TMEM243: variants seen among roughly 807,000 people sequenced by gnomAD.
The protein encoded by TMEM243 is MDR1 and mitochondrial taxol resistance associated.
In TMEM243, 20 loss-of-function variants were observed where a neutral mutation model predicts 15.0. The ratio of observed to expected loss-of-function variants is 1.33; its 90% confidence interval spans 0.94 to 1.93. The LOEUF (loss-of-function observed/expected upper bound fraction) is 1.93. TMEM243 is among the 30% of genes most tolerant of loss of function. The pLI, the probability that TMEM243 is intolerant of heterozygous loss-of-function variation, is 0.00. For missense variants in TMEM243, 156 were observed against 142.1 expected (o/e 1.10, Z -0.50); for synonymous variants, 72 against 52.7 (o/e 1.37, Z -1.59).
At chr7:87,198,402 G>A (rs1801533136) in intron 2 of TMEM243, 1 of 200,888 alleles carries the variant, frequency 5.0e-6, no homozygotes, top group Non-Finnish European at 1.0e-5. Flanking sequence ...ATCAAAGCTG[G>A]TTTTGCTATA....
chr7:87,197,707 T>G, intron 3 of TMEM243: 1 of 1,111,404 alleles, frequency 9.0e-7, no homozygotes, highest in Non-Finnish European at 1.1e-6. Context: ...TTTTTTTTTT[T>G]TTTTTTTTTA....
intron 1 of TMEM243, among the ~76,000 whole-genome samples, chr7:87,202,741 G>C (rs892036108): frequency 2.0e-5 from 3 of 152,282 alleles, no homozygotes; most frequent in Admixed American, 6.5e-5. Flanking sequence ...ACCTTAACAC[G>C]GTCTAGAAAC....
intron 2 of TMEM243, chr7:87,198,686 C>T (rs557354924): frequency 8.3e-5 from 32 of 386,922 alleles, no homozygotes; most frequent in Non-Finnish European, 1.4e-4. Context: ...TGGATATGTT[C>T]TTCAGGAACA....
At chr7:87,197,719 GCTAT>G (rs1801434260) in intron 3 of TMEM243, 1 of 284,822 alleles carries the variant, frequency 3.5e-6, no homozygotes, top group Non-Finnish European at 4.8e-6. Flanking sequence ...TTTTTTTTAA[GCTAT>G]CAAGGGAGTG....
intron 1 of TMEM243, among the ~76,000 whole-genome samples, chr7:87,207,430 C>G (rs1266755572): frequency 4.0e-4 from 13 of 32,670 alleles, no homozygotes; most frequent in South Asian, 8.9e-4. Flanking sequence ...CCCGTCTCTA[C>G]TAAAAATACA....
intron 1 of TMEM243, among the ~76,000 whole-genome samples, chr7:87,203,480 T>C (rs1409876733): frequency 6.6e-6 from 1 of 152,004 alleles, no homozygotes; most frequent in African/African-American, 2.4e-5. Flanking sequence ...CTGGGTTTGA[T>C]GACATGTGCC....
At chr7:87,215,152 T>C (rs1029117258) in intron 1 of TMEM243, among the ~76,000 whole-genome samples, 1 of 152,170 alleles carries the variant, frequency 6.6e-6, no homozygotes, top group Non-Finnish European at 1.5e-5. Flanking sequence ...TACAAAAAAA[T>C]TGTAAAAGTA....
intron 1 of TMEM243, among the ~76,000 whole-genome samples, chr7:87,200,837 C>T (rs1801749759): frequency 6.6e-6 from 1 of 152,162 alleles, no homozygotes; most frequent in Admixed American, 6.6e-5. Context: ...CAAAGAACAA[C>T]CTAGAGTGCT....
chr7:87,210,097 G>C (rs1210810027), intron 1 of TMEM243, among the ~76,000 whole-genome samples: 2 of 151,316 alleles, frequency 1.3e-5, no homozygotes, highest in Non-Finnish European at 2.9e-5. Context: ...AAGCGTGTGG[G>C]AGCGGGGAAC....
At chr7:87,197,224 C>T (rs2057984) in intron 3 of TMEM243, among the ~76,000 whole-genome samples, 126,974 of 152,076 alleles carry the variant, frequency 0.83, 53,372 homozygotes, top group Middle Eastern at 0.96. Context: ...GCTAGTTCTT[C>T]TTCGGGTCAT....
At chr7:87,202,577 A>C (rs147273549) in intron 1 of TMEM243, among the ~76,000 whole-genome samples, 2 of 152,316 alleles carry the variant, frequency 1.3e-5, no homozygotes, top group African/African-American at 4.8e-5. Flanking sequence ...TGTTATCTCT[A>C]TTTACCAATG....
chr7:87,199,638 C>T (rs984359951), intron 1 of TMEM243: 2 of 152,126 alleles, frequency 1.3e-5, no homozygotes, highest in African/African-American at 4.8e-5. Flanking sequence ...AGTATATAAA[C>T]AAAATATTGG....
At chr7:87,209,546 GAC>G (rs1294690550) in intron 1 of TMEM243, among the ~76,000 whole-genome samples, 2 of 27,476 alleles carry the variant, frequency 7.3e-5, no homozygotes, top group Non-Finnish European at 1.4e-4. Context: ...GAAAGTGAGA[GAC>G]AATGAGAGAG....
intron 1 of TMEM243, among the ~76,000 whole-genome samples, chr7:87,206,015 A>G (rs1349509555): frequency 6.6e-6 from 1 of 152,186 alleles, no homozygotes; most frequent in Non-Finnish European, 1.5e-5. Flanking sequence ...TCACAGTTTC[A>G]AGTGGCAGAA....
In TMEM243 at chr7:87,217,958, TGAGTTAAAA is replaced by T. The variant is rs1327618435; in HGVS notation, c.78+1459_78+1467del. On this transcript the variant is annotated intron_variant, in intron 1 of 3. Transcript: ENST00000257637. ...TCTACCTCTATAATTACAAGAGCTA[TGAGTTAAAA>T]GAGGTCAAAGGTCTGGATCACCCAG... Among the ~76,000 whole-genome samples the T allele has an allele frequency of 2.0e-5, 3 of 152,352 alleles. No individual in the cohort carries two copies. The East Asian group carries it at 5.8e-4, about 29-fold the overall frequency.
At chr7:87,196,859 C>A in intron 3 of TMEM243, 101 bp from the exon 4 acceptor site, 1 of 787,408 alleles carries the variant, frequency 1.3e-6, no homozygotes, top group Non-Finnish European at 2.0e-6. Context: ...CTAAATGAGA[C>A]AGACATTCTC....
intron 1 of TMEM243, among the ~76,000 whole-genome samples, chr7:87,214,872 C>T (rs746652447): frequency 3.3e-5 from 5 of 152,144 alleles, no homozygotes; most frequent in Non-Finnish European, 7.4e-5. Context: ...GTTTCATATA[C>T]ACCTTACACA....
At chr7:87,197,707 T>C (rs1801424085) in intron 3 of TMEM243, 4 of 1,111,352 alleles carry the variant, frequency 3.6e-6, no homozygotes, top group Admixed American at 1.2e-4. Flanking sequence ...TTTTTTTTTT[T>C]TTTTTTTTTA....
intron 1 of TMEM243, among the ~76,000 whole-genome samples, chr7:87,209,563 TGAGAGA>T (rs985851710): frequency 1.4e-4 from 13 of 94,774 alleles, no homozygotes; most frequent in African/African-American, 5.2e-4. Context: ...AGAGAGACAA[TGAGAGA>T]GAGACAGTGA....
Sources: gnomAD v4.1 joint callset for allele counts (sites outside exome capture counted in the v4.1 genomes callset) on GRCh38, gnomAD v4.1.1 for gene constraint, MANE v1.5 for transcripts, NCBI Gene and HGNC (gene_info 2026-07-23, HGNC 2026-07-21) for gene names.